Variants in NUP93 observed in about 807,000 individuals in gnomAD.
The protein encoded by NUP93 is nucleoporin 93.
A neutral mutation model predicts 107.8 loss-of-function variants in NUP93; 55 were observed. The ratio of observed to expected loss-of-function variants is 0.51; its 90% CI spans 0.41 to 0.64. The LOEUF (loss-of-function observed/expected upper bound fraction) is 0.64. NUP93 is among the 30% of genes least tolerant of loss of function. The probability of loss-of-function intolerance (pLI) is 0.00; values close to 1 mark genes in which losing one functional copy is unlikely to be tolerated. For missense variants in NUP93, 937 were observed against 1,044.7 expected, an observed-to-expected ratio of 0.90 and a Z score of 1.42; for synonymous variants, 390 against 397.5, an observed-to-expected ratio of 0.98 and a Z score of 0.22.
At chr16:56,755,612 A>G (rs374479534) in intron 2 of NUP93, among the ~76,000 whole-genome samples, 2 of 152,274 alleles carry the variant, frequency 1.3e-5, no homozygotes, top group African/African-American at 4.8e-5. Context: ...ATGGTCGCTC[A>G]CGCCTGTAAT....
At chr16:56,798,894 G>A (rs1382217775) in intron 4 of NUP93, among the ~76,000 whole-genome samples, 2 of 151,114 alleles carry the variant, frequency 1.3e-5, no homozygotes, top group African/African-American at 4.9e-5. Context: ...AAAAGCAGAT[G>A]AAGGGTAGCA....
chr16:56,818,904 A>G (rs548366178), intron 6 of NUP93, among the ~76,000 whole-genome samples, 166 bp downstream of exon 6: 4 of 152,364 alleles, frequency 2.6e-5, no homozygotes, highest in South Asian at 2.1e-4. Flanking sequence ...AATTCTATCA[A>G]ATAGGGTAAT....
chr16:56,835,741 T>TG (rs1243565241), intron 16 of NUP93, among the ~76,000 whole-genome samples: 1 of 152,208 alleles, frequency 6.6e-6, no homozygotes, highest in Admixed American at 6.5e-5. Flanking sequence ...GTTATGCACT[T>TG]GCCTTCATTC....
rs576831476 is a variant in NUP93, at chr16:56,844,786, A to C, written c.*177A>C. The C allele has an allele frequency of 3.2e-5, 10 of 314,066 alleles. No individual in the cohort carries two copies. Among genetic ancestry groups the C allele is most frequent in the Admixed American group, 1.7e-4 (2 of 12,096 alleles). The allele number at this position is 314,066 out of a possible 1,614,324, so 19.5% of individuals were successfully genotyped here. ...TTGTATTTCTTTTCAACATTCTTTT[A>C]TTTTCTTTTTTTTTTTCTTTGAAAT... is the stretch of plus-strand genomic sequence containing the variant. On this transcript the variant is annotated 3_prime_UTR_variant, in exon 22 of 22. Transcript: ENST00000308159.
chr16:56,840,643 G>A (rs938028896), intron 20 of NUP93, among the ~76,000 whole-genome samples: 10 of 152,190 alleles, frequency 6.6e-5, no homozygotes, highest in Non-Finnish European at 1.5e-5. Flanking sequence ...GCCTGGCTCT[G>A]GGATGTCACT....
chr16:56,801,497 C>G (rs1203744120), intron 4 of NUP93, among the ~76,000 whole-genome samples: 1 of 151,800 alleles, frequency 6.6e-6, no homozygotes, highest in Admixed American at 6.6e-5. Flanking sequence ...ACCGCAACCT[C>G]CATCTCCAGG....
Position 56,829,103 on chromosome 16 carries a change from A to G in NUP93, c.921A>G (p.Gly307=). The change falls in exon 9 of 22, where the codon GGA becomes GGG. Residue 307 remains glycine (G), a synonymous_variant. Transcript: ENST00000308159. ...LNIKLPAPLP[G]LQDGEVEGHP... is the part of the protein sequence containing the mutation. ...TTAAACTGCCAGCTCCCTTGCCTGG[A>G]CTACAGGTACTGACAACTTTCTCTG... 1 of 1,612,332 alleles carries G rather than the reference A, an allele frequency of 6.2e-7. No individual in the cohort carries two copies. Among genetic ancestry groups the G allele is most frequent in the East Asian group, 2.2e-5 (1 of 44,850 alleles).
chr16:56,789,987 C>T (rs1962720639), intron 3 of NUP93, among the ~76,000 whole-genome samples: 1 of 152,180 alleles, frequency 6.6e-6, no homozygotes, highest in African/African-American at 2.4e-5. Flanking sequence ...ATCCCAGCTA[C>T]TCAGGAGGCT....
intron 21 of NUP93, among the ~76,000 whole-genome samples, chr16:56,843,306 A>T (rs1964062796): frequency 6.6e-6 from 1 of 152,126 alleles, no homozygotes; most frequent in African/African-American, 2.4e-5. Context: ...GATGGTGGAT[A>T]CTTCTTGGTG....
At chr16:56,835,067 C>T (rs751462369) in intron 16 of NUP93, among the ~76,000 whole-genome samples, 1 of 152,180 alleles carries the variant, frequency 6.6e-6, no homozygotes, top group Non-Finnish European at 1.5e-5. Flanking sequence ...TGCTATTATA[C>T]ATTTCTGCCA....
chr16:56,793,340 A>C (rs1962810652), intron 3 of NUP93, among the ~76,000 whole-genome samples: 1 of 152,108 alleles, frequency 6.6e-6, no homozygotes, highest in African/African-American at 2.4e-5. Flanking sequence ...ACTGTGAGCA[A>C]TTACAAGTGC....
At chr16:56,761,287 C>T (rs1962121879) in intron 3 of NUP93, among the ~76,000 whole-genome samples, 1 of 152,156 alleles carries the variant, frequency 6.6e-6, no homozygotes, top group Non-Finnish European at 1.5e-5. Flanking sequence ...TACACGTATC[C>T]TTCCCTGACT....
intron 1 of NUP93, among the ~76,000 whole-genome samples, chr16:56,744,706 C>A (rs570304106): frequency 1.2e-4 from 19 of 152,200 alleles, no homozygotes; most frequent in African/African-American, 4.3e-4. Flanking sequence ...ATTCCGTTCA[C>A]CTGGTTTTTG....
chr16:56,756,197 T>C (rs578062726), intron 2 of NUP93, among the ~76,000 whole-genome samples: 1 of 151,620 alleles, frequency 6.6e-6, no homozygotes, highest in African/African-American at 2.4e-5. Context: ...TACATAGATA[T>C]ACATGTGCCA....
intron 1 of NUP93, among the ~76,000 whole-genome samples, chr16:56,737,149 T>C (rs1437921045): frequency 1.3e-5 from 2 of 152,362 alleles, no homozygotes; most frequent in East Asian, 3.9e-4. Context: ...AAATATCTGT[T>C]GTTCTGGCTT....
chr16:56,794,584 T>TAG (rs10596725), intron 3 of NUP93, among the ~76,000 whole-genome samples: 5,296 of 148,056 alleles, frequency 0.036, 109 homozygotes, highest in African/African-American at 0.047. Context: ...GTGTGTGTGA[T>TAG]AGAGAGAGAG....
At chr16:56,786,749 A>G (rs1409696065) in intron 3 of NUP93, among the ~76,000 whole-genome samples, 2 of 152,194 alleles carry the variant, frequency 1.3e-5, no homozygotes, top group African/African-American at 2.4e-5. Context: ...GTAAGCTAGG[A>G]TGGAGCCAGG....
At chr16:56,798,385 A>C in intron 3 of NUP93, 91 bp from the exon 4 acceptor site, 2 of 1,024,124 alleles carry the variant, frequency 2.0e-6, no homozygotes, top group African/African-American at 1.6e-5. Flanking sequence ...GTAGCATAGT[A>C]GATACCATTA....
chr16:56,799,763 T>C (rs1962980909), intron 4 of NUP93, among the ~76,000 whole-genome samples: 1 of 152,228 alleles, frequency 6.6e-6, no homozygotes, highest in Non-Finnish European at 1.5e-5. Flanking sequence ...ATTAAAATAT[T>C]CTGTGAAGGT....
Sources: gnomAD v4.1 joint callset for allele counts (sites outside exome capture counted in the v4.1 genomes callset) on GRCh38, gnomAD v4.1.1 for gene constraint, MANE v1.5 for transcripts, NCBI Gene and HGNC (gene_info 2026-07-23, HGNC 2026-07-21) for gene names.